VTA1: variants seen among roughly 807,000 people sequenced by gnomAD.
VTA1 encodes the protein vesicle trafficking 1.
Under a neutral mutation model 36.9 loss-of-function variants are expected in VTA1, and 24 were observed. The observed-to-expected ratio is 0.65, with a 90% CI of 0.47 to 0.91. The LOEUF (loss-of-function observed/expected upper bound fraction) is 0.91. VTA1 is among the 40% of genes least tolerant of loss of function. VTA1 has a pLI of 0.00. For missense variants in VTA1, 393 were observed against 377.2 expected (o/e 1.04, Z -0.35); for synonymous variants, 142 against 130.2 (o/e 1.09, Z -0.62).
At chr6:142,187,711 G>GT (rs1172151874) in intron 4 of VTA1, among the ~76,000 whole-genome samples, 3 of 152,114 alleles carry the variant, frequency 2.0e-5, no homozygotes, top group Non-Finnish European at 4.4e-5. Flanking sequence ...AATTGAATAT[G>GT]TAAGAGGAGT....
intron 7 of VTA1, among the ~76,000 whole-genome samples, chr6:142,206,321 A>C (rs1354143545): frequency 6.6e-6 from 1 of 152,220 alleles, no homozygotes; most frequent in Non-Finnish European, 1.5e-5. Context: ...TTGTATTTAC[A>C]TAAATACAAT....
At position 142,169,717 on chromosome 6, in the gene VTA1, G is replaced by C. The variant is rs773547358; in HGVS notation, c.335+40G>C. The C allele has an allele frequency of 5.4e-6, 8 of 1,478,420 alleles. No individual in the cohort carries two copies. In the South Asian group the frequency reaches 1.1e-4, roughly 21 times the overall value. 91.6% of individuals were successfully genotyped at this position (1,478,420 alleles called of 1,614,324 possible). A position where few individuals can be genotyped will look rare whatever the true frequency, so the allele number is the denominator to read the frequency against. ...AAATAAAAATTATTTTATTAATTTT[G>C]TAACTGTATAACCAAAATTAACTAG... On this transcript the variant is annotated intron_variant, in intron 3 of 7. Transcript: ENST00000367630.
chr6:142,209,166 C>A (rs980866403), intron 7 of VTA1, among the ~76,000 whole-genome samples: 1 of 151,888 alleles, frequency 6.6e-6, no homozygotes. Flanking sequence ...ACCAAAAAAC[C>A]GTTAGAACTG....
chr6:142,216,096 T>G (rs1776000650), intron 7 of VTA1, among the ~76,000 whole-genome samples: 1 of 152,162 alleles, frequency 6.6e-6, no homozygotes, highest in Non-Finnish European at 1.5e-5. Context: ...TCTCTTGTTC[T>G]GATTATGGCC....
At chr6:142,171,588 C>T (rs918420610) in intron 4 of VTA1, among the ~76,000 whole-genome samples, 2 of 152,112 alleles carry the variant, frequency 1.3e-5, no homozygotes, top group Non-Finnish European at 1.5e-5. Flanking sequence ...TATACATGGG[C>T]AAATGGGGCT....
At chr6:142,150,494 G>A (rs1483674109) in intron 1 of VTA1, among the ~76,000 whole-genome samples, 2 of 152,082 alleles carry the variant, frequency 1.3e-5, no homozygotes, top group African/African-American at 2.4e-5. Context: ...AATGAAGAAC[G>A]GCATACTCTC....
intron 5 of VTA1, among the ~76,000 whole-genome samples, chr6:142,197,756 A>AGTT (rs1329570265): frequency 1.3e-5 from 2 of 152,082 alleles, no homozygotes; most frequent in African/African-American, 4.8e-5. Context: ...TTGAGTCTTC[A>AGTT]TAAGTTTAAA....
intron 1 of VTA1, among the ~76,000 whole-genome samples, chr6:142,151,088 C>G (rs879787715): frequency 1.3e-5 from 2 of 151,980 alleles, no homozygotes; most frequent in Non-Finnish European, 2.9e-5. Flanking sequence ...CAGTGGATCT[C>G]CGAAGAGGGA....
intron 7 of VTA1, among the ~76,000 whole-genome samples, chr6:142,210,381 G>A (rs1775879760): frequency 6.6e-6 from 1 of 152,106 alleles, no homozygotes; most frequent in South Asian, 2.1e-4. Context: ...ATTTTTTTGT[G>A]TGTAAGACCT....
chr6:142,177,753 G>A (rs1242038070), intron 4 of VTA1, among the ~76,000 whole-genome samples: 4 of 152,098 alleles, frequency 2.6e-5, no homozygotes, highest in African/African-American at 9.7e-5. Context: ...CCTGTAACCT[G>A]AGTCTGAAGC....
Position 142,169,681 on chromosome 6 carries a change from A to C in VTA1, c.335+4A>C, listed in dbSNP as rs1774992547. The C allele has an allele frequency of 6.5e-7, 1 of 1,548,374 alleles. No individual in the cohort carries two copies. The highest frequency in any genetic ancestry group is 8.6e-7 in the Non-Finnish European group (1 of 1,157,868). On this transcript the variant is annotated splice_donor_region_variant and intron_variant, in intron 3 of 7. Transcript: ENST00000367630. ...ATCGTGCTGGACGATTTCACAAGTA[A>C]GTAAAGAGAAAAATAAAAATTATTT...
intron 5 of VTA1, among the ~76,000 whole-genome samples, chr6:142,194,998 A>G (rs1196848308): frequency 6.6e-6 from 1 of 152,118 alleles, no homozygotes; most frequent in Non-Finnish European, 1.5e-5. Context: ...CTTAGTCATG[A>G]TGAGGCCTTG....
At chr6:142,213,221 C>G (rs1386834015) in intron 7 of VTA1, among the ~76,000 whole-genome samples, 2 of 152,192 alleles carry the variant, frequency 1.3e-5, no homozygotes, top group African/African-American at 2.4e-5. Context: ...AGGCCCCATG[C>G]AAGTCTGAAG....
rs1377657983 is a variant in VTA1, at chr6:142,219,789, G to A, written c.*1146G>A. 1.3e-5 allele frequency: 2 copies of A among 152,006 alleles called. No homozygotes were observed. The highest frequency in any genetic ancestry group is 4.8e-5 in the African/African-American group (2 of 41,396). The allele number at this position is 152,006 out of a possible 1,614,324, so 9.4% of individuals were successfully genotyped here. A position where few individuals can be genotyped will look rare whatever the true frequency, so the allele number is the denominator to read the frequency against. On this transcript the variant is annotated 3_prime_UTR_variant, in exon 8 of 8. Transcript: ENST00000367630. The stretch of plus-strand genomic sequence containing the variant: ...CCATTTTATTCATGCTACTAAGATG[G>A]GAATCTTTAAACACAAGGGTCAGCA...
At chr6:142,200,998 A>G (rs1235825479) in intron 6 of VTA1, among the ~76,000 whole-genome samples, 1 of 151,968 alleles carries the variant, frequency 6.6e-6, no homozygotes, top group African/African-American at 2.4e-5. Flanking sequence ...AAACATACCC[A>G]GTAATGACAG....
chr6:142,189,382 T>A, intron 4 of VTA1, 44 bp from the exon 5 acceptor site: 1 of 1,468,738 alleles, frequency 6.8e-7, no homozygotes, highest in Non-Finnish European at 9.4e-7. Context: ...ACTTTTTACT[T>A]CTTTACCATA....
At chr6:142,176,058 G>C (rs1323888674) in intron 4 of VTA1, among the ~76,000 whole-genome samples, 3 of 152,036 alleles carry the variant, frequency 2.0e-5, no homozygotes, top group African/African-American at 7.2e-5. Flanking sequence ...CCCAGTTTTA[G>C]TTATAGAGTC....
rs72993062 is a variant in VTA1 at position 142,169,209 on chromosome 6, A to T, written c.208-341A>T. Among the ~76,000 whole-genome samples the T allele has an allele frequency of 4.1e-3, 619 of 152,322 alleles. 4 individuals carry two copies. The highest frequency in any genetic ancestry group is 6.1e-3 in the Non-Finnish European group (415 of 68,034). On this transcript the variant is annotated intron_variant, in intron 2 of 7. Coordinates refer to ENST00000367630, the MANE Select transcript of VTA1 (RefSeq NM_016485.5). ...TCTAATTCTATTTTTAGGGTAACTTATAGTTTGGGTAATAAAACATGATTT... is the reference window on the plus strand; with the variant it reads ...TCTAATTCTATTTTTAGGGTAACTTTTAGTTTGGGTAATAAAACATGATTT...
chr6:142,205,275 C>T (rs1454562296), intron 7 of VTA1, among the ~76,000 whole-genome samples: 1 of 152,176 alleles, frequency 6.6e-6, no homozygotes, highest in Non-Finnish European at 1.5e-5. Flanking sequence ...TCAATTTTCT[C>T]TTTTCACTTT....
Sources: gnomAD v4.1 joint callset for allele counts (sites outside exome capture counted in the v4.1 genomes callset) on GRCh38, gnomAD v4.1.1 for gene constraint, MANE v1.5 for transcripts, NCBI Gene and HGNC (gene_info 2026-07-23, HGNC 2026-07-21) for gene names.